Variants in ANK3 observed in about 807,000 individuals in gnomAD.
The protein encoded by ANK3 is ankyrin-3.
In ANK3, 57 loss-of-function variants were observed where a neutral mutation model predicts 370.9. That is an observed-to-expected ratio of 0.15 (90% CI 0.12 to 0.19). The LOEUF (loss-of-function observed/expected upper bound fraction) is 0.19. ANK3 is among the 10% of genes least tolerant of loss of function. ANK3 has a pLI of 1.00. For synonymous variants in ANK3, 1,929 were observed against 1,946.3 expected (o/e 0.99, Z 0.23); for missense variants, 4,439 against 5,302.1 (o/e 0.84, Z 5.06).
intron 18 of ANK3, among the ~76,000 whole-genome samples, chr10:60,177,634 G>T (rs1333953942): frequency 1.7e-5 from 2 of 119,070 alleles, no homozygotes; most frequent in African/African-American, 3.2e-5. Context: ...GTCTCGCTCT[G>T]TCGCCCAGGC....
intron 1 of ANK3, among the ~76,000 whole-genome samples, chr10:60,318,188 T>C (rs1211301695): frequency 1.3e-5 from 2 of 152,174 alleles, no homozygotes; most frequent in Non-Finnish European, 2.9e-5. Flanking sequence ...TTGCTGCACT[T>C]ATCAACCCAT....
chr10:60,486,450 C>T (rs750795866), intron 2 of ANK3, among the ~76,000 whole-genome samples: 3 of 152,046 alleles, frequency 2.0e-5, no homozygotes, highest in African/African-American at 4.8e-5. Context: ...GTGTGGTGTG[C>T]GCACCTGTAG....
At chr10:60,318,239 T>A (rs917388580) in intron 1 of ANK3, among the ~76,000 whole-genome samples, 1 of 152,204 alleles carries the variant, frequency 6.6e-6, no homozygotes, top group African/African-American at 2.4e-5. Context: ...CTATTTATCC[T>A]GATACTAGCT....
chr10:60,503,515 T>C (rs2075858722), intron 2 of ANK3, among the ~76,000 whole-genome samples: 2 of 152,164 alleles, frequency 1.3e-5, no homozygotes, highest in South Asian at 4.1e-4. Context: ...TAAGGTCACA[T>C]GAGCAAGAGG....
At position 60,082,144 on chromosome 10, in the gene ANK3, T is replaced by A; in HGVS notation, c.4350+6A>T. ...GATAGAATAAAAGCAGAAGTGTTTA[T>A]ATTACCTCATCATCTTGATCTGACT... On this transcript the variant is annotated splice_donor_region_variant and intron_variant, in intron 35 of 43. Coordinates refer to ENST00000280772, the MANE Select transcript of ANK3 (RefSeq NM_020987.5). 2 of 1,608,904 alleles carry A rather than the reference T, an allele frequency of 1.2e-6. No homozygotes were observed. The highest frequency in any genetic ancestry group is 1.7e-6 in the Non-Finnish European group (2 of 1,176,918).
intron 7 of ANK3, among the ~76,000 whole-genome samples, chr10:60,254,501 C>T (rs1393347338): frequency 1.3e-5 from 2 of 152,188 alleles, no homozygotes; most frequent in African/African-American, 4.8e-5. Context: ...GGGGCCTTCA[C>T]AGCCCAGAGC....
intron 2 of ANK3, among the ~76,000 whole-genome samples, chr10:60,523,835 T>G (rs2076407622): frequency 6.6e-6 from 1 of 152,080 alleles, no homozygotes; most frequent in African/African-American, 2.4e-5. Context: ...TCATATACAC[T>G]CTTTGTCACT....
rs768085512 is a variant in ANK3, at chr10:60,229,111, C to T, written c.897+5577G>A. On this transcript the variant is annotated intron_variant, in intron 8 of 43. Transcript: ENST00000280772. ...ATTCTTTCCTTCAAAGATATTCTCT[C>T]GTGTTTTGAAAGCTAGTGGCATTTC... 1.1e-4 allele frequency among the ~76,000 whole-genome samples: 16 copies of T among 152,282 alleles called. No homozygotes were observed. The South Asian group carries it at 2.7e-3, about 26-fold the overall frequency.
At position 60,245,983 on chromosome 10, in the gene ANK3, T is replaced by C. The variant is rs1461896877; in HGVS notation, c.799-11197A>G. On this transcript the variant is annotated intron_variant, in intron 7 of 43. Coordinates refer to ENST00000280772, the MANE Select transcript of ANK3 (RefSeq NM_020987.5). ...ATTAAGATAACCACTAGGCCGGGCATGGTGGATGACACCTGTAATCCCAGC... is the reference window on the plus strand; with the variant it reads ...ATTAAGATAACCACTAGGCCGGGCACGGTGGATGACACCTGTAATCCCAGC... 3.9e-5 allele frequency among the ~76,000 whole-genome samples: 6 copies of C among 152,126 alleles called. No homozygotes were observed. In the East Asian group the frequency reaches 7.7e-4, roughly 20 times the overall value.
At chr10:60,588,866 C>T (rs1377406852) in intron 2 of ANK3, among the ~76,000 whole-genome samples, 2 of 152,080 alleles carry the variant, frequency 1.3e-5, no homozygotes, top group South Asian at 2.1e-4. Flanking sequence ...GCCATGTTCG[C>T]GCCACTGGAC....
intron 1 of ANK3, among the ~76,000 whole-genome samples, chr10:60,710,586 T>G (rs2079690559): frequency 6.6e-6 from 1 of 152,298 alleles, no homozygotes; most frequent in East Asian, 1.9e-4. Context: ...TTCAAATTGG[T>G]GTAAATCTCA....
chr10:60,399,534 G>A (rs778443886), intron 2 of ANK3, among the ~76,000 whole-genome samples: 1 of 152,134 alleles, frequency 6.6e-6, no homozygotes, highest in Non-Finnish European at 1.5e-5. Context: ...CAAAACCAGG[G>A]CCATCGGAGA....
At chr10:60,400,759 T>C (rs558844649) in intron 2 of ANK3, among the ~76,000 whole-genome samples, 100 of 152,280 alleles carry the variant, frequency 6.6e-4, no homozygotes, top group Non-Finnish European at 1.3e-3. Context: ...GTAGGTTTGT[T>C]ACACAGGTAA....
At chr10:60,081,454 G>T in intron 35 of ANK3, 1 of 418,908 alleles carries the variant, frequency 2.4e-6, no homozygotes, top group Non-Finnish European at 4.7e-6. Flanking sequence ...ATTGATGTGT[G>T]GGATTCAAAA....
At chr10:60,223,457 C>A (rs572620887) in intron 8 of ANK3, among the ~76,000 whole-genome samples, 9 of 152,090 alleles carry the variant, frequency 5.9e-5, no homozygotes, top group Non-Finnish European at 1.3e-4. Flanking sequence ...TAATTTAACA[C>A]TAGTTTATCT....
chr10:60,347,021 G>A (rs1032848401), intron 1 of ANK3, among the ~76,000 whole-genome samples: 2 of 64,124 alleles, frequency 3.1e-5, no homozygotes, highest in Non-Finnish European at 7.9e-5. Flanking sequence ...TATCTAGTAT[G>A]TATGTACAGT....
chr10:60,699,899 G>A (rs1440176877), intron 1 of ANK3, among the ~76,000 whole-genome samples: 12 of 152,000 alleles, frequency 7.9e-5, no homozygotes, highest in African/African-American at 2.2e-4. Flanking sequence ...GTTTAAATTC[G>A]TGATACAAAT....
chr10:60,396,660 A>G (rs949185765), intron 2 of ANK3, among the ~76,000 whole-genome samples: 2 of 152,220 alleles, frequency 1.3e-5, no homozygotes, highest in Non-Finnish European at 2.9e-5. Flanking sequence ...ACATTCTATG[A>G]AATGATTTCT....
intron 1 of ANK3, among the ~76,000 whole-genome samples, chr10:60,637,260 T>C (rs1045576246): frequency 3.3e-5 from 5 of 152,214 alleles, no homozygotes; most frequent in African/African-American, 9.6e-5. Flanking sequence ...ATTCTGGTGA[T>C]TGGCTTACCA....
Sources: gnomAD v4.1 joint callset for allele counts (sites outside exome capture counted in the v4.1 genomes callset) on GRCh38, gnomAD v4.1.1 for gene constraint, MANE v1.5 for transcripts, NCBI Gene and HGNC (gene_info 2026-07-23, HGNC 2026-07-21) for gene names.